IQGAP1: variants seen among roughly 807,000 people sequenced by gnomAD.
IQGAP1 encodes the protein ras GTPase-activating-like protein IQGAP1.
IQGAP1 carries 66 observed loss-of-function variants against 215.6 expected under a neutral mutation model. That is an observed-to-expected ratio of 0.31 (90% CI 0.25 to 0.38). The LOEUF is 0.38. Ranked by LOEUF, IQGAP1 falls within the 10% of genes least tolerant of loss-of-function variation. The probability of loss-of-function intolerance (pLI) is 1.00; values close to 1 mark genes in which losing one functional copy is unlikely to be tolerated. For synonymous variants in IQGAP1, 772 were observed against 728.7 expected (o/e 1.06, Z -0.96); for missense variants, 1,712 against 1,997.1 (o/e 0.86, Z 2.72).
intron 2 of IQGAP1, among the ~76,000 whole-genome samples, chr15:90,413,852 A>C (rs2151008487): frequency 6.6e-6 from 1 of 152,288 alleles, no homozygotes; most frequent in East Asian, 1.9e-4. Context: ...AGCTCAGAGA[A>C]GTTAGCGGGT....
At chr15:90,416,256 A>G (rs1012207525) in intron 2 of IQGAP1, among the ~76,000 whole-genome samples, 3 of 151,814 alleles carry the variant, frequency 2.0e-5, no homozygotes, top group Non-Finnish European at 4.4e-5. Flanking sequence ...ATGGCTTCAT[A>G]GTATTCCATG....
At chr15:90,409,650 C>G (rs533862848) in intron 2 of IQGAP1, among the ~76,000 whole-genome samples, 9 of 152,342 alleles carry the variant, frequency 5.9e-5, no homozygotes, top group Admixed American at 5.2e-4. Context: ...GCTGGGATTG[C>G]AAGTGTGAGC....
At chr15:90,441,127 A>G (rs955390656) in intron 7 of IQGAP1, among the ~76,000 whole-genome samples, 11 of 152,088 alleles carry the variant, frequency 7.2e-5, no homozygotes, top group African/African-American at 2.7e-4. Flanking sequence ...AAGAAAAAAA[A>G]AGAAAGGAAG....
At position 90,489,371 on chromosome 15, in the gene IQGAP1, A is replaced by AC. The variant is rs538841121; in HGVS notation, c.4248+1792dup. Among the ~76,000 whole-genome samples the AC allele has an allele frequency of 9.9e-5, 15 of 151,908 alleles. No homozygotes were observed. In the South Asian group the frequency reaches 3.1e-3, roughly 32 times the overall value. On this transcript the variant is annotated intron_variant, in intron 33 of 37. Transcript: ENST00000268182. Reference sequence around the variant, plus strand: ...TCAAACTCTTGACCTCAAATGACCCACCCACTGTGGCCTCTCAAAGTGCTG... The same window carrying AC: ...TCAAACTCTTGACCTCAAATGACCCACCCCACTGTGGCCTCTCAAAGTGCTG...
chr15:90,476,584 A>G (rs2151033389), intron 23 of IQGAP1, 79 bp from the exon 24 acceptor site: 7 of 1,107,582 alleles, frequency 6.3e-6, no homozygotes, highest in Non-Finnish European at 3.9e-6. Context: ...GAGTTTGCAC[A>G]TGCTGCAAAA....
At chr15:90,404,312 A>T (rs1219423284) in intron 2 of IQGAP1, among the ~76,000 whole-genome samples, 1 of 152,208 alleles carries the variant, frequency 6.6e-6, no homozygotes, top group Non-Finnish European at 1.5e-5. Flanking sequence ...TAATTTTACC[A>T]ACCCAGAGTA....
chr15:90,411,300 A>G (rs1194448370), intron 2 of IQGAP1, among the ~76,000 whole-genome samples: 1 of 150,224 alleles, frequency 6.7e-6, no homozygotes, highest in Admixed American at 6.6e-5. Context: ...TTTTTTGGAG[A>G]CAGGGTCTCA....
Position 90,466,367 on chromosome 15 carries a change from G to A in IQGAP1, c.1966G>A (p.Val656Ile), listed in dbSNP as rs1469260439. Reference sequence around the variant, plus strand: ...CTCCCCTGATGTTGGCTTGTATGGAGTCATCCCTGAGTGTGGTGAAACTTA... The same window carrying A: ...CTCCCCTGATGTTGGCTTGTATGGAATCATCCCTGAGTGTGGTGAAACTTA... ...LRSPDVGLYG[V>I]IPECGETYHS... Residue 656 changes from valine to isoleucine, a missense_variant, in exon 17 of 38, where the codon GTC (valine) becomes ATC (isoleucine). Coordinates refer to ENST00000268182, the MANE Select transcript of IQGAP1 (RefSeq NM_003870.4). 6.2e-7 allele frequency: 1 copy of A among 1,614,176 alleles called. No individual in the cohort carries two copies. The highest frequency in any genetic ancestry group is 8.5e-7 in the Non-Finnish European group (1 of 1,180,030).
chr15:90,496,306 C>CTTTTTTTTTTTTTTTTTT lies in IQGAP1; in HGVS notation c.4752-914_4752-897dup, dbSNP rs552222380. Among the ~76,000 whole-genome samples the CTTTTTTTTTTTTTTTTTT allele has an allele frequency of 2.5e-4, 26 of 106,116 alleles. 3 individuals are homozygous for CTTTTTTTTTTTTTTTTTT. The highest frequency in any genetic ancestry group is 1.1e-3 in the African/African-American group (25 of 22,584). 69.6% of individuals were successfully genotyped at this position (106,116 alleles called of 152,430 possible). On this transcript the variant is annotated intron_variant, in intron 36 of 37. Transcript: ENST00000268182. ...GATCATCCAGAGAACAGCATAATCCCTTTTTTTTTTTTTTTTTTTTTTTTT... is the reference window on the plus strand; with the variant it reads ...GATCATCCAGAGAACAGCATAATCCCTTTTTTTTTTTTTTTTTTTTTTTTTTTTTTTTTTTTTTTTTTT...
intron 31 of IQGAP1, 116 bp from the exon 32 acceptor site, chr15:90,486,838 T>A: frequency 9.9e-7 from 1 of 1,012,374 alleles, no homozygotes. Flanking sequence ...TCACACTGTA[T>A]GTGTTAGGTG....
At chr15:90,431,738 AT>A (rs1303249351) in intron 4 of IQGAP1, among the ~76,000 whole-genome samples, 13 of 152,334 alleles carry the variant, frequency 8.5e-5, no homozygotes, top group African/African-American at 2.4e-4. Flanking sequence ...TAACCTAAAA[AT>A]GTATTGTTGT....
chr15:90,440,693 T>C (rs918689289), intron 7 of IQGAP1, 78 bp downstream of exon 7: 7 of 865,430 alleles, frequency 8.1e-6, no homozygotes, highest in East Asian at 5.4e-5. Flanking sequence ...AGTGATGATC[T>C]AGGACATTAT....
intron 4 of IQGAP1, 49 bp downstream of exon 4, chr15:90,429,715 A>G (rs1403350820): frequency 8.1e-7 from 1 of 1,242,154 alleles, no homozygotes; most frequent in Non-Finnish European, 1.1e-6. Flanking sequence ...CTGTTGTGGC[A>G]TAACCCTCAA....
rs747638174 is a variant in IQGAP1 at position 90,473,905 on chromosome 15, C to T, written c.2443C>T (p.Leu815=). The T allele has an allele frequency of 6.2e-7, 1 of 1,613,896 alleles. No individual in the cohort carries two copies. The highest frequency in any genetic ancestry group is 1.1e-5 in the South Asian group (1 of 91,048). ...HKDEVVKIQS[L]ARMHQARKRY... The stretch of plus-strand genomic sequence containing the variant: ...GATCCCTTTTCCACAGATTCAGTCC[C>T]TGGCAAGGATGCACCAAGCTCGAAA... The change falls in exon 21 of 38, where the codon CTG becomes TTG. Residue 815 remains leucine (L), a synonymous_variant. Transcript: ENST00000268182.
In IQGAP1 at chr15:90,491,457, A is replaced by C; in HGVS notation, c.4373A>C (p.Lys1458Thr). 1 of 1,614,202 alleles carries C rather than the reference A, an allele frequency of 6.2e-7. No homozygotes were observed. The highest frequency in any genetic ancestry group is 8.5e-7 in the Non-Finnish European group (1 of 1,180,000). ...SNLTLQEKKE[K>T]IQTGLKKLTE... is the part of the protein sequence containing the mutation. ...CTCACTCTTCAAGAGAAGAAAGAGA[A>C]GATCCAGACAGGTTTAAAGAAGCTA... is the stretch of plus-strand genomic sequence containing the variant. The change falls in exon 34 of 38, where the codon AAG becomes ACG. Residue 1458 changes from lysine to threonine, a missense_variant. Physicochemically the swap from Lys to Thr is moderately conservative, Grantham distance 78 (BLOSUM62 -1). Transcript: ENST00000268182.
At chr15:90,470,207 C>G (rs577013460) in intron 18 of IQGAP1, among the ~76,000 whole-genome samples, 8 of 152,190 alleles carry the variant, frequency 5.3e-5, no homozygotes, top group Non-Finnish European at 8.8e-5. Flanking sequence ...ACTCACCACT[C>G]TGTACTTTGA....
At chr15:90,482,164 G>A (rs1468085618) in intron 27 of IQGAP1, 33 bp from the exon 28 acceptor site, 7 of 1,614,084 alleles carry the variant, frequency 4.3e-6, no homozygotes, top group Non-Finnish European at 5.9e-6. Context: ...TCTGCTCCTT[G>A]GCCCTTCTCA....
chr15:90,491,689 A>C (rs1235107564), intron 34 of IQGAP1, 144 bp downstream of exon 34: 8 of 672,752 alleles, frequency 1.2e-5, no homozygotes, highest in African/African-American at 1.8e-5. Context: ...CTGACTCTCC[A>C]GCATGAGGGC....
chr15:90,477,534 G>C, intron 25 of IQGAP1, 131 bp from the exon 26 acceptor site: 1 of 713,146 alleles, frequency 1.4e-6, no homozygotes, highest in Non-Finnish European at 2.4e-6. Context: ...TGCAGCTGCA[G>C]GAACATTCTG....
Sources: gnomAD v4.1 joint callset for allele counts (sites outside exome capture counted in the v4.1 genomes callset) on GRCh38, gnomAD v4.1.1 for gene constraint, MANE v1.5 for transcripts, NCBI Gene and HGNC (gene_info 2026-07-23, HGNC 2026-07-21) for gene names.